Variants in CFAP263 observed in about 807,000 individuals in gnomAD.
CFAP263 encodes the protein cilia and flagella associated protein 263.
the CFAP263 span, among the ~76,000 whole-genome samples, chr16:58,272,955 C>A: frequency 1.3e-5 from 2 of 152,090 alleles, no homozygotes; most frequent in Non-Finnish European, 2.9e-5. Flanking sequence ...TTTGAAAGAT[C>A]ATTTTGAGGA....
chr16:58,262,332 A>T, the CFAP263 span: 4 of 1,525,650 alleles, frequency 2.6e-6, no homozygotes, highest in South Asian at 2.4e-5. Context: ...TGAGCCATAC[A>T]TTCAGAATCA....
At chr16:58,271,961 TCTC>T in the CFAP263 span, among the ~76,000 whole-genome samples, 3 of 152,254 alleles carry the variant, frequency 2.0e-5, no homozygotes, top group African/African-American at 7.2e-5. Flanking sequence ...ATTTATCTAT[TCTC>T]CTCCATTTAT....
chr16:58,280,086 C>A, the CFAP263 span: 3 of 838,600 alleles, frequency 3.6e-6, no homozygotes, highest in African/African-American at 3.5e-5. Context: ...GAGGGAGAGC[C>A]AGCCCAGTGT....
At chr16:58,269,518 C>A in the CFAP263 span, among the ~76,000 whole-genome samples, 1 of 152,178 alleles carries the variant, frequency 6.6e-6, no homozygotes, top group Non-Finnish European at 1.5e-5. Flanking sequence ...CTCTCAGCAG[C>A]CACTAATCTA....
At chr16:58,268,630 A>T in the CFAP263 span, among the ~76,000 whole-genome samples, 1 of 152,258 alleles carries the variant, frequency 6.6e-6, no homozygotes. Flanking sequence ...TTTTGTCATA[A>T]CATGCACATC....
At chr16:58,268,016 AAG>A in the CFAP263 span, among the ~76,000 whole-genome samples, 1 of 145,882 alleles carries the variant, frequency 6.9e-6, no homozygotes, top group South Asian at 2.2e-4. Context: ...GAGAGAGAGA[AAG>A]AGAGAGAGAA....
chr16:58,277,348 C>T, the CFAP263 span, among the ~76,000 whole-genome samples: 1 of 152,092 alleles, frequency 6.6e-6, no homozygotes, highest in Non-Finnish European at 1.5e-5. Flanking sequence ...AGGCTGGTCT[C>T]AAACTCCTGA....
the CFAP263 span, among the ~76,000 whole-genome samples, chr16:58,260,568 T>G: frequency 6.6e-6 from 1 of 152,174 alleles, no homozygotes; most frequent in African/African-American, 2.4e-5. Context: ...GAATATGGCC[T>G]GGTGGCACAG....
chr16:58,279,238 C>T, the CFAP263 span, among the ~76,000 whole-genome samples: 1 of 152,142 alleles, frequency 6.6e-6, no homozygotes, highest in Non-Finnish European at 1.5e-5. Context: ...TCATGCAGGA[C>T]ATCATCAGAG....
the CFAP263 span, among the ~76,000 whole-genome samples, chr16:58,259,244 A>T: frequency 1.3e-5 from 2 of 152,210 alleles, no homozygotes; most frequent in East Asian, 1.9e-4. Context: ...CTTTAAAAAA[A>T]TTGTTATAGA....
chr16:58,253,250 A>G, the CFAP263 span, among the ~76,000 whole-genome samples: 10 of 151,996 alleles, frequency 6.6e-5, no homozygotes, highest in African/African-American at 9.7e-5. Flanking sequence ...ATGTGGTGAT[A>G]TGCACCTGTA....
chr16:58,253,141 G>T, the CFAP263 span, among the ~76,000 whole-genome samples: 3 of 152,168 alleles, frequency 2.0e-5, no homozygotes, highest in African/African-American at 7.2e-5. Flanking sequence ...GCTTTGGGAG[G>T]CTAAGGTGGG....
chr16:58,266,399 ATATATATTTTTTTT>A, the CFAP263 span, among the ~76,000 whole-genome samples: 659 of 38,940 alleles, frequency 0.017, 1 homozygote, highest in African/African-American at 0.056. Context: ...ATATATATAT[ATATATATTTTTTTT>A]TTTTTTTTTT....
the CFAP263 span, among the ~76,000 whole-genome samples, chr16:58,273,264 A>G: frequency 1.3e-5 from 2 of 151,830 alleles, no homozygotes; most frequent in East Asian, 3.9e-4. Context: ...TATCTGAATA[A>G]TTTTTTCTAC....
At chr16:58,280,082 G>A in the CFAP263 span, 1 of 806,398 alleles carries the variant, frequency 1.2e-6, no homozygotes, top group Non-Finnish European at 2.0e-6. Flanking sequence ...AGAGGAGGGA[G>A]AGCCAGCCCA....
the CFAP263 span, among the ~76,000 whole-genome samples, chr16:58,270,064 A>G: frequency 1.3e-5 from 2 of 152,140 alleles, no homozygotes; most frequent in Non-Finnish European, 2.9e-5. Context: ...TGTGGTTTTT[A>G]TCTGAATTTC....
chr16:58,250,120 C>G, the CFAP263 span: 1 of 1,554,084 alleles, frequency 6.4e-7, no homozygotes, highest in Non-Finnish European at 8.7e-7. Context: ...GCTCAGGTAC[C>G]GCCGCCCGCG....
At chr16:58,266,052 G>A in the CFAP263 span, among the ~76,000 whole-genome samples, 1 of 152,124 alleles carries the variant, frequency 6.6e-6, no homozygotes, top group Non-Finnish European at 1.5e-5. Context: ...GCTTTCCTTA[G>A]CAGAGCAACT....
the CFAP263 span, among the ~76,000 whole-genome samples, chr16:58,256,042 T>G: frequency 6.6e-6 from 1 of 152,264 alleles, no homozygotes; most frequent in Non-Finnish European, 1.5e-5. Context: ...CCATGTTGTA[T>G]GAAAAGTAGA....
Sources: gnomAD v4.1 joint callset for allele counts (sites outside exome capture counted in the v4.1 genomes callset) on GRCh38, gnomAD v4.1.1 for gene constraint, MANE v1.5 for transcripts, NCBI Gene and HGNC (gene_info 2026-07-23, HGNC 2026-07-21) for gene names.